The following TRDN variants were observed in gnomAD, a reference collection of about 807,000 sequenced individuals.
The protein encoded by TRDN is triadin in skeletal muscle.
A neutral mutation model predicts 149.7 loss-of-function variants in TRDN; 161 were observed. The ratio of observed to expected loss-of-function variants is 1.08; its 90% confidence interval spans 0.95 to 1.23. The LOEUF is 1.23. TRDN is among the 50% of genes most tolerant of loss of function. The probability of loss-of-function intolerance (pLI) is 0.00; values close to 1 mark genes in which losing one functional copy is unlikely to be tolerated. For synonymous variants in TRDN, 294 were observed against 250.5 expected (o/e 1.17, Z -1.64); for missense variants, 896 against 823.5 (o/e 1.09, Z -1.08).
intron 20 of TRDN, among the ~76,000 whole-genome samples, chr6:123,362,672 G>T (rs1780947651): frequency 6.6e-6 from 1 of 152,050 alleles, no homozygotes; most frequent in Non-Finnish European, 1.5e-5. Flanking sequence ...AACTTCCGTA[G>T]AACTTTACCT....
At chr6:123,312,407 A>C (rs1778860568) in intron 24 of TRDN, among the ~76,000 whole-genome samples, 1 of 151,898 alleles carries the variant, frequency 6.6e-6, no homozygotes, top group South Asian at 2.1e-4. Context: ...ATGATACATA[A>C]GTATCATCAT....
intron 20 of TRDN, among the ~76,000 whole-genome samples, chr6:123,356,660 T>A (rs893632444): frequency 6.7e-6 from 1 of 149,662 alleles, no homozygotes; most frequent in African/African-American, 2.4e-5. Context: ...TTGGTGCTAA[T>A]TTTTTCTTAA....
At chr6:123,634,084 T>C (rs1171975509) in intron 1 of TRDN, among the ~76,000 whole-genome samples, 1 of 151,978 alleles carries the variant, frequency 6.6e-6, no homozygotes, top group Non-Finnish European at 1.5e-5. Flanking sequence ...AATTGATTGA[T>C]AGGTGGCATA....
In TRDN at chr6:123,548,587, T is replaced by A; in HGVS notation, c.258A>T (p.Ser86=). ...FSASSIAKIG[S]DPLKLVRDAM... ...CATCACGTACCAGTTTTAAAGGATC[T>A]GAGCCAATCTTGGCAATAGAGCTTG... Residue 86 remains serine (S), a synonymous_variant, in exon 3 of 41, where the codon TCA becomes TCT. Transcript: ENST00000334268. 1 of 1,499,652 alleles carries A rather than the reference T, an allele frequency of 6.7e-7. No individual in the cohort carries two copies. Among genetic ancestry groups the A allele is most frequent in the Non-Finnish European group, 8.9e-7 (1 of 1,124,376 alleles). 92.9% of individuals were successfully genotyped at this position (1,499,652 alleles called of 1,614,324 possible). A position where few individuals can be genotyped will look rare whatever the true frequency, so the allele number is the denominator to read the frequency against.
At position 123,266,319 on chromosome 6, in the gene TRDN, G is replaced by A. The variant is rs1432858000; in HGVS notation, c.1784-981C>T. On this transcript the variant is annotated intron_variant, in intron 32 of 40. Coordinates refer to ENST00000334268, the MANE Select transcript of TRDN (RefSeq NM_006073.4). Reference sequence around the variant, plus strand: ...TATTATATATAATTATATGTAATATGTATTATATATTATGATATGTATTAT... The same window carrying A: ...TATTATATATAATTATATGTAATATATATTATATATTATGATATGTATTAT... 4.3e-5 allele frequency among the ~76,000 whole-genome samples: 4 copies of A among 92,120 alleles called. No homozygotes were observed. The East Asian group carries it at 8.7e-4, about 20-fold the overall frequency. The allele number at this position is 92,120 out of a possible 152,430, so 60.4% of individuals were successfully genotyped here.
chr6:123,505,885 G>A (rs1401858673), intron 7 of TRDN, among the ~76,000 whole-genome samples: 2 of 152,048 alleles, frequency 1.3e-5, no homozygotes, highest in Non-Finnish European at 1.5e-5. Flanking sequence ...TGTTAGTAGA[G>A]ATGGGGTTTC....
intron 21 of TRDN, chr6:123,352,230 A>C: frequency 1.0e-6 from 1 of 985,104 alleles, no homozygotes; most frequent in Non-Finnish European, 1.2e-6. Context: ...TCAAATAGGA[A>C]TATGTCTACC....
At chr6:123,476,766 A>G (rs1777499680) in intron 9 of TRDN, among the ~76,000 whole-genome samples, 1 of 150,316 alleles carries the variant, frequency 6.7e-6, no homozygotes, top group Non-Finnish European at 1.5e-5. Flanking sequence ...CATATCTATA[A>G]CTATCTGATC....
At chr6:123,442,545 C>CAAAA (rs1434202710) in intron 10 of TRDN, among the ~76,000 whole-genome samples, 6 of 36,396 alleles carry the variant, frequency 1.6e-4, no homozygotes, top group Admixed American at 2.8e-4. Flanking sequence ...GACTCCGTCT[C>CAAAA]AAAAAAAAAA....
intron 24 of TRDN, among the ~76,000 whole-genome samples, chr6:123,296,713 C>T (rs944606863): frequency 1.3e-5 from 2 of 151,808 alleles, no homozygotes; most frequent in African/African-American, 2.4e-5. Context: ...TAAAAAGTTA[C>T]TTGAATAAAA....
chr6:123,272,736 A>T (rs895505234), intron 29 of TRDN, among the ~76,000 whole-genome samples: 1 of 151,902 alleles, frequency 6.6e-6, no homozygotes, highest in Non-Finnish European at 1.5e-5. Context: ...TGCAAAGCTA[A>T]CTCTCTGGTG....
At chr6:123,382,331 G>A (rs1201182406) in intron 14 of TRDN, among the ~76,000 whole-genome samples, 184 bp from the exon 15 acceptor site, 2 of 151,290 alleles carry the variant, frequency 1.3e-5, no homozygotes, top group African/African-American at 2.4e-5. Flanking sequence ...TTAGAGTGAA[G>A]CAGGAGTGAG....
chr6:123,438,824 A>G, intron 11 of TRDN, 120 bp downstream of exon 11: 1 of 724,046 alleles, frequency 1.4e-6, no homozygotes, highest in Admixed American at 3.4e-5. Flanking sequence ...AGTGTTCACT[A>G]ATAACAATGA....
At chr6:123,626,858 G>T (rs977528057) in intron 1 of TRDN, among the ~76,000 whole-genome samples, 3 of 151,006 alleles carry the variant, frequency 2.0e-5, no homozygotes, top group African/African-American at 7.3e-5. Flanking sequence ...TCCATAAGAG[G>T]TATTTCTCCC....
At chr6:123,490,320 C>T (rs1192587167) in intron 9 of TRDN, among the ~76,000 whole-genome samples, 2 of 152,074 alleles carry the variant, frequency 1.3e-5, no homozygotes, top group African/African-American at 4.8e-5. Context: ...ACCGAGATAC[C>T]TAATAAGTGT....
intron 23 of TRDN, among the ~76,000 whole-genome samples, chr6:123,329,804 A>AAAT (rs1052486237): frequency 1.3e-5 from 2 of 152,084 alleles, no homozygotes. Context: ...TGAATTTCTA[A>AAAT]AATAATAATA....
At chr6:123,481,296 A>G (rs1323536010) in intron 9 of TRDN, among the ~76,000 whole-genome samples, 1 of 151,912 alleles carries the variant, frequency 6.6e-6, no homozygotes, top group Non-Finnish European at 1.5e-5. Context: ...TCAGCCAATT[A>G]TCTGCTTTGT....
intron 38 of TRDN, among the ~76,000 whole-genome samples, chr6:123,240,840 T>G (rs1031212701): frequency 1.3e-5 from 2 of 151,958 alleles, no homozygotes; most frequent in African/African-American, 4.8e-5. Context: ...CATTAATCAT[T>G]GCATATTATT....
chr6:123,351,372 A>T, intron 21 of TRDN: 1 of 983,080 alleles, frequency 1.0e-6, no homozygotes, highest in Non-Finnish European at 1.2e-6. Flanking sequence ...AGACTCAGGA[A>T]CACGCATAAA....
Sources: gnomAD v4.1 joint callset for allele counts (sites outside exome capture counted in the v4.1 genomes callset) on GRCh38, gnomAD v4.1.1 for gene constraint, MANE v1.5 for transcripts, NCBI Gene and HGNC (gene_info 2026-07-23, HGNC 2026-07-21) for gene names.